Variants in CLEC9A observed in about 807,000 individuals in gnomAD.
CLEC9A encodes C-type lectin domain family 9 member A.
CLEC9A carries 24 observed loss-of-function variants against 30.0 expected under a neutral mutation model. The ratio of observed to expected loss-of-function variants is 0.80; its 90% confidence interval spans 0.58 to 1.13. The LOEUF is 1.13. Among genes scored for constraint, CLEC9A ranks in the 50% most tolerant of loss-of-function variants. The pLI is 0.00. For synonymous variants in CLEC9A, 111 were observed against 96.8 expected, an observed-to-expected ratio of 1.15 and a Z score of -0.86; for missense variants, 251 against 280.9, an observed-to-expected ratio of 0.89 and a Z score of 0.76.
At chr12:10,064,411 T>C (rs780073490) in intron 7 of CLEC9A, among the ~76,000 whole-genome samples, 13 of 152,234 alleles carry the variant, frequency 8.5e-5, no homozygotes, top group Non-Finnish European at 1.8e-4. Context: ...ATGTCAAGAA[T>C]ATTTTTATTT....
At chr12:10,034,640 T>G (rs1447926902) in intron 1 of CLEC9A, among the ~76,000 whole-genome samples, 2 of 152,154 alleles carry the variant, frequency 1.3e-5, no homozygotes, top group Admixed American at 1.3e-4. Flanking sequence ...CAGTGATCAA[T>G]AAACATATGA....
chr12:10,065,425 C>G, intron 8 of CLEC9A, 75 bp from the exon 9 acceptor site: 1 of 1,561,110 alleles, frequency 6.4e-7, no homozygotes, highest in Admixed American at 1.8e-5. Flanking sequence ...AGCTACACAC[C>G]TCTCATTAGT....
At chr12:10,048,150 G>A (rs374269783) in intron 2 of CLEC9A, among the ~76,000 whole-genome samples, 20 of 150,446 alleles carry the variant, frequency 1.3e-4, no homozygotes, top group Non-Finnish European at 2.7e-4. Context: ...GGAGAATGGC[G>A]TGAACCCGGG....
intron 2 of CLEC9A, among the ~76,000 whole-genome samples, chr12:10,050,780 A>G (rs1381074688): frequency 6.6e-6 from 1 of 152,194 alleles, no homozygotes; most frequent in Non-Finnish European, 1.5e-5. Flanking sequence ...CTCAATGTAC[A>G]TTTGGTATGC....
rs1046383328 is a variant in CLEC9A, at chr12:10,041,502, C to G, written c.-281C>G. 3.8e-5 allele frequency: 18 copies of G among 477,956 alleles called. No homozygotes were observed. The highest frequency in any genetic ancestry group is 2.0e-4 in the African/African-American group (10 of 49,752). 29.6% of individuals were successfully genotyped at this position (477,956 alleles called of 1,614,324 possible). A position where few individuals can be genotyped will look rare whatever the true frequency, so the allele number is the denominator to read the frequency against. On this transcript the variant is annotated 5_prime_UTR_variant, in exon 2 of 9. Coordinates refer to ENST00000355819, the MANE Select transcript of CLEC9A (RefSeq NM_207345.4). ...CGCAGCCCCTGTGATGCCAACTGGA[C>G]ATATTATGGAGATAGCTGCTATGGG...
chr12:10,031,866 T>C (rs1282436085), intron 1 of CLEC9A, among the ~76,000 whole-genome samples: 2 of 151,724 alleles, frequency 1.3e-5, no homozygotes, highest in Non-Finnish European at 1.5e-5. Context: ...GCTCTGAGGA[T>C]TGGGAAGGAT....
intron 2 of CLEC9A, among the ~76,000 whole-genome samples, chr12:10,051,708 G>T (rs1227958945): frequency 6.6e-6 from 1 of 152,092 alleles, no homozygotes; most frequent in Non-Finnish European, 1.5e-5. Context: ...ATAACCTTTG[G>T]CCATAAAGAT....
chr12:10,055,418 A>G (rs1159466841), intron 5 of CLEC9A, among the ~76,000 whole-genome samples: 1 of 152,232 alleles, frequency 6.6e-6, no homozygotes, highest in East Asian at 1.9e-4. Flanking sequence ...TAAATGACAC[A>G]TTGCCAAACT....
chr12:10,053,641 T>C (rs1865914679), intron 4 of CLEC9A, among the ~76,000 whole-genome samples: 1 of 152,184 alleles, frequency 6.6e-6, no homozygotes, highest in Non-Finnish European at 1.5e-5. Flanking sequence ...ATTATGACAC[T>C]GGCATGTTAG....
chr12:10,051,047 A>C (rs1865888699), intron 2 of CLEC9A, among the ~76,000 whole-genome samples: 1 of 152,062 alleles, frequency 6.6e-6, no homozygotes, highest in Non-Finnish European at 1.5e-5. Flanking sequence ...TCTACTAAAA[A>C]TACAAAAATT....
At position 10,065,680 on chromosome 12, in the gene CLEC9A, C is replaced by A; in HGVS notation, c.*48C>A. ...CTATTACACTGTTATTTGGAGCATG[C>A]CATTGGAAAACCCACCCCCACCCCC... is the stretch of plus-strand genomic sequence containing the variant. On this transcript the variant is annotated 3_prime_UTR_variant, in exon 9 of 9. Transcript: ENST00000355819. 1 of 1,592,380 alleles carries A rather than the reference C, an allele frequency of 6.3e-7. No individual in the cohort carries two copies. The highest frequency in any genetic ancestry group is 1.1e-5 in the South Asian group (1 of 88,390).
intron 3 of CLEC9A, 190 bp from the exon 4 acceptor site, chr12:10,052,439 AT>A (rs1865901361): frequency 1.9e-6 from 2 of 1,071,434 alleles, no homozygotes; most frequent in Non-Finnish European, 2.4e-6. Flanking sequence ...ATGTTCTATC[AT>A]TGGCCATTCT....
intron 5 of CLEC9A, chr12:10,060,875 T>C (rs747846963): frequency 6.0e-5 from 21 of 347,428 alleles, no homozygotes; most frequent in Non-Finnish European, 8.3e-5. Flanking sequence ...TAATAAAATA[T>C]AAATTGGTAA....
At chr12:10,052,835 T>TTC in intron 4 of CLEC9A, 57 bp downstream of exon 4, 1 of 1,534,790 alleles carries the variant, frequency 6.5e-7, no homozygotes, top group Non-Finnish European at 8.9e-7. Context: ...TTTTTTTTTT[T>TTC]CTGCTCTATC....
At chr12:10,037,328 G>A (rs1865752262) in intron 1 of CLEC9A, among the ~76,000 whole-genome samples, 2 of 152,060 alleles carry the variant, frequency 1.3e-5, no homozygotes, top group Admixed American at 1.3e-4. Context: ...ACCTGCATTT[G>A]TATAATTATT....
chr12:10,031,564 G>GC (rs1301645218), intron 1 of CLEC9A, among the ~76,000 whole-genome samples: 1 of 152,098 alleles, frequency 6.6e-6, no homozygotes, highest in Admixed American at 6.6e-5. Flanking sequence ...TGTGTCCAGT[G>GC]CCCCCCACCA....
chr12:10,052,713 C>G lies in CLEC9A; in HGVS notation c.26C>G (p.Ser9Cys). MHEEEIYTSLQWDSPAPDT... is the reference protein window; with the variant it reads MHEEEIYTCLQWDSPAPDT... ...ATGCACGAGGAAGAAATATACACCT[C>G]TCTTCAGTGGGATAGCCCAGCACCA... Residue 9 changes from serine (S) to cysteine (C), a missense_variant, in exon 4 of 9, where the codon TCT (serine) becomes TGT (cysteine). Physicochemically the swap from Ser to Cys is moderately radical, Grantham distance 112. Coordinates refer to ENST00000355819, the MANE Select transcript of CLEC9A (RefSeq NM_207345.4). 1 of 1,613,952 alleles carries G rather than the reference C, an allele frequency of 6.2e-7. No individual in the cohort carries two copies. Among genetic ancestry groups the G allele is most frequent in the Non-Finnish European group, 8.5e-7 (1 of 1,179,856 alleles).
intron 2 of CLEC9A, chr12:10,043,361 C>T (rs771771414): frequency 5.3e-6 from 1 of 188,208 alleles, no homozygotes; most frequent in South Asian, 8.5e-5. Flanking sequence ...ATACTAGAAA[C>T]TTATTCTTGA....
intron 1 of CLEC9A, among the ~76,000 whole-genome samples, chr12:10,034,687 G>A (rs2137294571): frequency 6.6e-6 from 1 of 152,284 alleles, no homozygotes; most frequent in African/African-American, 2.4e-5. Context: ...AGCAGAGTGT[G>A]CAATGGAGGT....
Sources: gnomAD v4.1 joint callset for allele counts (sites outside exome capture counted in the v4.1 genomes callset) on GRCh38, gnomAD v4.1.1 for gene constraint, MANE v1.5 for transcripts, NCBI Gene and HGNC (gene_info 2026-07-23, HGNC 2026-07-21) for gene names.